CADPS: variants seen among roughly 807,000 people sequenced by gnomAD.
The protein encoded by CADPS is calcium-dependent secretion activator 1.
CADPS carries 57 observed loss-of-function variants against 167.3 expected under a neutral mutation model. That is an observed-to-expected ratio of 0.34 (90% confidence interval 0.28 to 0.42). The LOEUF is 0.42. CADPS is among the 20% of genes least tolerant of loss of function. The pLI is 1.00. For missense variants in CADPS, 1,414 were observed against 1,738.1 expected (o/e 0.81, Z 3.32); for synonymous variants, 676 against 635.3 (o/e 1.06, Z -0.96).
At chr3:62,706,832 A>G (rs1170002812) in intron 3 of CADPS, among the ~76,000 whole-genome samples, 2 of 152,104 alleles carry the variant, frequency 1.3e-5, no homozygotes, top group African/African-American at 4.8e-5. Flanking sequence ...GAGTGGAATA[A>G]TTACTGGGGA....
At chr3:62,685,567 A>T (rs2077853929) in intron 3 of CADPS, among the ~76,000 whole-genome samples, 1 of 151,928 alleles carries the variant, frequency 6.6e-6, no homozygotes, top group Admixed American at 6.6e-5. Context: ...GAGTCAAGAA[A>T]AAAAGGATAC....
At chr3:62,653,667 A>T (rs553792357) in intron 4 of CADPS, among the ~76,000 whole-genome samples, 161 of 152,296 alleles carry the variant, frequency 1.1e-3, no homozygotes, top group African/African-American at 3.6e-3. Flanking sequence ...ATACATATGA[A>T]TTGAGTGAAT....
At chr3:62,779,114 C>T (rs1169944304) in intron 1 of CADPS, 1 of 172,290 alleles carries the variant, frequency 5.8e-6, no homozygotes, top group African/African-American at 2.4e-5. Context: ...TCTCAAACTT[C>T]TGACCTCAGG....
At chr3:62,519,229 C>A (rs2069798273) in intron 13 of CADPS, among the ~76,000 whole-genome samples, 1 of 152,130 alleles carries the variant, frequency 6.6e-6, no homozygotes, top group Admixed American at 6.6e-5. Context: ...CACCATAAAA[C>A]TTCTATTGGA....
chr3:62,562,477 C>A (rs1487001324), intron 9 of CADPS, among the ~76,000 whole-genome samples: 2 of 152,126 alleles, frequency 1.3e-5, no homozygotes, highest in East Asian at 1.9e-4. Flanking sequence ...ATCTGTGGGA[C>A]ATTTCTTTTT....
intron 1 of CADPS, among the ~76,000 whole-genome samples, chr3:62,820,794 GGT>G (rs1491353471): frequency 8.5e-5 from 12 of 140,386 alleles, no homozygotes; most frequent in East Asian, 2.0e-4. Flanking sequence ...TCTTTTTTTT[GGT>G]TTTTTTTTTT....
intron 3 of CADPS, among the ~76,000 whole-genome samples, chr3:62,685,008 T>G (rs1219800841): frequency 1.4e-5 from 2 of 147,236 alleles, no homozygotes; most frequent in Non-Finnish European, 3.0e-5. Context: ...GTCCCTGAAC[T>G]TATAGCTCAC....
chr3:62,656,524 T>C (rs1456847194), intron 4 of CADPS, among the ~76,000 whole-genome samples: 3 of 152,172 alleles, frequency 2.0e-5, no homozygotes, highest in Non-Finnish European at 4.4e-5. Flanking sequence ...CAAATGTCTA[T>C]AGAGCTGAGG....
intron 10 of CADPS, 78 bp downstream of exon 10, chr3:62,557,327 C>T: frequency 1.0e-6 from 1 of 962,986 alleles, no homozygotes; most frequent in Non-Finnish European, 1.7e-6. Context: ...GGAGTAAGTG[C>T]CCAGCAATTA....
chr3:62,632,678 A>G (rs1310224066), intron 6 of CADPS, among the ~76,000 whole-genome samples: 4 of 152,030 alleles, frequency 2.6e-5, no homozygotes, highest in Admixed American at 2.6e-4. Context: ...CGTTAATAAT[A>G]CCTCCCTACC....
intron 11 of CADPS, among the ~76,000 whole-genome samples, chr3:62,549,274 TA>T: frequency 6.6e-6 from 1 of 152,146 alleles, no homozygotes; most frequent in East Asian, 1.9e-4. Context: ...TATTGATAGA[TA>T]AAAGCCATTT....
chr3:62,775,353 C>T (rs983134330), intron 1 of CADPS, among the ~76,000 whole-genome samples: 2 of 151,884 alleles, frequency 1.3e-5, no homozygotes, highest in Admixed American at 6.6e-5. Context: ...GCGCCTGGCC[C>T]GTAAGTGGTT....
intron 1 of CADPS, among the ~76,000 whole-genome samples, chr3:62,784,055 A>C (rs906346753): frequency 1.3e-5 from 2 of 152,202 alleles, no homozygotes; most frequent in African/African-American, 2.4e-5. Flanking sequence ...TTCCTGTCTT[A>C]AGCATGAAAT....
rs1218267207 is a variant in CADPS, at chr3:62,420,659, T to C, written c.3777+17445A>G. Among the ~76,000 whole-genome samples, 1 of 152,148 alleles carries C rather than the reference T, an allele frequency of 6.6e-6. No individual in the cohort carries two copies. The highest frequency in any genetic ancestry group is 1.5e-5 in the Non-Finnish European group (1 of 68,040). ...AGTCTAGAAAACAGGTTCTGATGCC[T>C]GGGGCCCAGGAATGAGGAAAATAAA... On this transcript the variant is annotated intron_variant, in intron 28 of 29. Coordinates refer to ENST00000383710, the MANE Select transcript of CADPS (RefSeq NM_003716.4). This position sits in a 1 kb window ranked among gnomAD's most constrained non-coding sequence, Gnocchi z 4.1.
chr3:62,742,916 A>G (rs2080601319), intron 3 of CADPS, among the ~76,000 whole-genome samples: 1 of 152,208 alleles, frequency 6.6e-6, no homozygotes, highest in Non-Finnish European at 1.5e-5. Flanking sequence ...TCTATAAGGA[A>G]CTTAAACAAA....
At chr3:62,563,191 C>T (rs1054749019) in intron 9 of CADPS, among the ~76,000 whole-genome samples, 6 of 151,178 alleles carry the variant, frequency 4.0e-5, no homozygotes, top group Non-Finnish European at 8.9e-5. Flanking sequence ...TATCTGATAA[C>T]CAGATATCTG....
At chr3:62,621,771 C>A (rs945831926) in intron 6 of CADPS, among the ~76,000 whole-genome samples, 1 of 151,956 alleles carries the variant, frequency 6.6e-6, no homozygotes, top group Non-Finnish European at 1.5e-5. Flanking sequence ...CCCCAGTGTG[C>A]GTTATTCCCC....
intron 17 of CADPS, among the ~76,000 whole-genome samples, chr3:62,501,183 T>A (rs971260215): frequency 6.6e-6 from 1 of 152,188 alleles, no homozygotes; most frequent in African/African-American, 2.4e-5. Flanking sequence ...AATAAGTAGA[T>A]GTGGGAGCTT....
At chr3:62,427,385 T>G (rs1321171947) in intron 28 of CADPS, among the ~76,000 whole-genome samples, 1 of 152,172 alleles carries the variant, frequency 6.6e-6, no homozygotes, top group East Asian at 1.9e-4. Context: ...GCTCATGATT[T>G]AAACTCAAAT....
Sources: gnomAD v4.1 joint callset for allele counts (sites outside exome capture counted in the v4.1 genomes callset) on GRCh38, gnomAD v4.1.1 for gene constraint, Gnocchi (gnomAD v3.1) non-coding constraint, MANE v1.5 for transcripts, NCBI Gene and HGNC (gene_info 2026-07-23, HGNC 2026-07-21) for gene names.